CSMD1: variants seen among roughly 807,000 people sequenced by gnomAD.
CSMD1 encodes CUB and Sushi multiple domains 1.
In CSMD1, 213 loss-of-function variants were observed where a neutral mutation model predicts 417.5. The ratio of observed to expected loss-of-function variants is 0.51; its 90% CI spans 0.46 to 0.57. The LOEUF (loss-of-function observed/expected upper bound fraction) is 0.57, where lower values mean the gene tolerates loss of function less well. CSMD1 is among the 20% of genes least tolerant of loss of function. The probability of loss-of-function intolerance (pLI) is 0.00; values close to 1 mark genes in which losing one functional copy is unlikely to be tolerated. For synonymous variants in CSMD1, 2,862 were observed against 1,736.8 expected (o/e 1.65, Z -16.11); for missense variants, 6,923 against 4,529.7 (o/e 1.53, Z -15.17).
intron 5 of CSMD1, among the ~76,000 whole-genome samples, chr8:3,794,187 G>C (rs1351655080): frequency 6.6e-6 from 1 of 152,138 alleles, no homozygotes; most frequent in Non-Finnish European, 1.5e-5. Context: ...CAAAGCTTGA[G>C]AAGCACTGGT....
chr8:2,974,384 T>G lies in CSMD1; in HGVS notation c.8740+67A>C, dbSNP rs182168042. On this transcript the variant is annotated intron_variant, in intron 56 of 69. Coordinates refer to ENST00000635120, the MANE Select transcript of CSMD1 (RefSeq NM_033225.6). ...TCAAATAACTGTAAATCATCATTAT[T>G]TGAAATCACTATTTGAAAAGTTATT... 1,189 of 1,343,676 alleles carry G rather than the reference T, an allele frequency of 8.8e-4. 6 individuals carry two copies. The highest frequency in any genetic ancestry group is 5.5e-3 in the Middle Eastern group (21 of 3,810). 83.2% of individuals were successfully genotyped at this position (1,343,676 alleles called of 1,614,324 possible).
chr8:3,718,172 G>A (rs1037368201), intron 6 of CSMD1, among the ~76,000 whole-genome samples: 4 of 152,142 alleles, frequency 2.6e-5, no homozygotes, highest in Admixed American at 2.0e-4. Context: ...TGTACATTAC[G>A]AGAAGCGAGT....
At position 3,336,942 on chromosome 8, in the gene CSMD1, G is replaced by C. The variant is rs77262474; in HGVS notation, c.3631+6352C>G. 1.1e-3 allele frequency among the ~76,000 whole-genome samples: 163 copies of C among 152,236 alleles called. 1 individual carries two copies. The highest frequency in any genetic ancestry group is 3.8e-3 in the African/African-American group (156 of 41,554). On this transcript the variant is annotated intron_variant, in intron 23 of 69. Transcript: ENST00000635120. The stretch of plus-strand genomic sequence containing the variant: ...TTGTAATAATGCTCCCCTAAAAAAA[G>C]TCAGTTAGTTCTAGGAGACTGACCT...
At chr8:4,235,266 ACAT>A (rs375070596) in intron 3 of CSMD1, among the ~76,000 whole-genome samples, 71 of 152,338 alleles carry the variant, frequency 4.7e-4, no homozygotes, top group Non-Finnish European at 8.7e-4. Context: ...TTCGTAGGCT[ACAT>A]CATAAAACTC....
At chr8:3,792,674 C>T (rs564594282) in intron 5 of CSMD1, among the ~76,000 whole-genome samples, 5 of 152,194 alleles carry the variant, frequency 3.3e-5, no homozygotes, top group Admixed American at 6.5e-5. Flanking sequence ...AAACAGAGAC[C>T]GCAATCATGA....
intron 3 of CSMD1, among the ~76,000 whole-genome samples, chr8:4,310,594 C>T (rs780884967): frequency 6.6e-6 from 1 of 152,064 alleles, no homozygotes; most frequent in African/African-American, 2.4e-5. Flanking sequence ...TCATAGCTCT[C>T]GATGATGTTA....
intron 5 of CSMD1, among the ~76,000 whole-genome samples, chr8:3,930,771 G>T (rs939992877): frequency 1.3e-5 from 2 of 150,298 alleles, no homozygotes; most frequent in Admixed American, 1.3e-4. Context: ...CGGCACCAGG[G>T]AACAAGCATT....
intron 5 of CSMD1, among the ~76,000 whole-genome samples, chr8:3,814,915 C>A (rs1383945): frequency 0.33 from 49,657 of 151,904 alleles, 8,546 homozygotes; most frequent in Middle Eastern, 0.4. Flanking sequence ...CTTTAAAAAC[C>A]GACACTCTCA....
chr8:3,012,981 C>T (rs1010522332), intron 52 of CSMD1, among the ~76,000 whole-genome samples: 2 of 152,212 alleles, frequency 1.3e-5, no homozygotes, highest in African/African-American at 2.4e-5. Context: ...CCCCTGCACA[C>T]GCTCTCTTGC....
chr8:3,087,143 G>A lies in CSMD1; in HGVS notation c.7428C>T (p.Asn2476=). ...AGTCCCACTGGTACATGCCAAGTGGGTTTCGTCTACAGGTTGCATTGCTGT... is the reference window on the plus strand; with the variant it reads ...AGTCCCACTGGTACATGCCAAGTGGATTTCGTCTACAGGTTGCATTGCTGT... The part of the protein sequence containing the change: ...VGHSNATCRR[N]PLGMYQWDSL... Residue 2476 remains asparagine (N), a synonymous_variant, in exon 49 of 70, where the codon AAC becomes AAT. Transcript: ENST00000635120. The A allele has an allele frequency of 6.2e-7, 1 of 1,613,820 alleles. No individual in the cohort carries two copies. Among genetic ancestry groups the A allele is most frequent in the African/African-American group, 1.3e-5 (1 of 75,052 alleles).
At chr8:4,393,887 A>G (rs1411737078) in intron 3 of CSMD1, among the ~76,000 whole-genome samples, 4 of 152,214 alleles carry the variant, frequency 2.6e-5, no homozygotes. Context: ...CATGAGACAT[A>G]TGAAATATAC....
At chr8:4,078,534 G>C (rs566243243) in intron 3 of CSMD1, among the ~76,000 whole-genome samples, 1 of 151,698 alleles carries the variant, frequency 6.6e-6, no homozygotes, top group South Asian at 2.1e-4. Flanking sequence ...AAAGTGCTGG[G>C]ATTACAGGGG....
intron 5 of CSMD1, among the ~76,000 whole-genome samples, chr8:3,774,828 G>A (rs941964682): frequency 6.6e-6 from 1 of 152,006 alleles, no homozygotes; most frequent in African/African-American, 2.4e-5. Context: ...CATTCTCAAG[G>A]GATACATTCC....
At chr8:3,058,966 T>C (rs1014470500) in intron 49 of CSMD1, among the ~76,000 whole-genome samples, 6 of 152,002 alleles carry the variant, frequency 3.9e-5, no homozygotes, top group Non-Finnish European at 8.8e-5. Context: ...CAGCCCTCTC[T>C]TTAAAAGGAA....
intron 1 of CSMD1, among the ~76,000 whole-genome samples, chr8:4,902,244 T>C (rs1300311599): frequency 1.3e-5 from 2 of 150,542 alleles, no homozygotes; most frequent in East Asian, 2.0e-4. Context: ...ACTCCATCCA[T>C]TAAAAAGACA....
At chr8:3,392,455 T>A (rs900667161) in intron 17 of CSMD1, among the ~76,000 whole-genome samples, 6 of 152,052 alleles carry the variant, frequency 3.9e-5, no homozygotes, top group African/African-American at 9.7e-5. Flanking sequence ...GTTGGTAGCA[T>A]TTTTCTCTTC....
chr8:4,554,729 T>C (rs1034091343), intron 2 of CSMD1, among the ~76,000 whole-genome samples: 1 of 152,218 alleles, frequency 6.6e-6, no homozygotes, highest in Non-Finnish European at 1.5e-5. Context: ...TTTACTATTG[T>C]AGTGATGTAT....
At chr8:3,837,896 A>C (rs2129091585) in intron 5 of CSMD1, among the ~76,000 whole-genome samples, 1 of 152,260 alleles carries the variant, frequency 6.6e-6, no homozygotes, top group African/African-American at 2.4e-5. Context: ...TTCTTCTGTC[A>C]CTTGGAAATG....
intron 5 of CSMD1, among the ~76,000 whole-genome samples, chr8:3,947,346 T>C (rs1261633258): frequency 2.0e-5 from 3 of 152,222 alleles, no homozygotes; most frequent in Non-Finnish European, 2.9e-5. Flanking sequence ...TTTTCAAGAA[T>C]GTTAAACCAA....
Sources: gnomAD v4.1 joint callset for allele counts (sites outside exome capture counted in the v4.1 genomes callset) on GRCh38, gnomAD v4.1.1 for gene constraint, MANE v1.5 for transcripts, NCBI Gene and HGNC (gene_info 2026-07-23, HGNC 2026-07-21) for gene names.